BSN: variants seen among roughly 807,000 people sequenced by gnomAD.
The protein encoded by BSN is protein bassoon.
A neutral mutation model predicts 264.8 loss-of-function variants in BSN; 57 were observed. The ratio of observed to expected loss-of-function variants is 0.22; its 90% CI spans 0.17 to 0.27. The LOEUF is 0.27. Among genes scored for constraint, BSN ranks in the 10% least tolerant of loss-of-function variants. The pLI is 1.00. For synonymous variants in BSN, 2,059 were observed against 2,137.3 expected, an observed-to-expected ratio of 0.96 and a Z score of 1.01; for missense variants, 4,615 against 5,232.5, an observed-to-expected ratio of 0.88 and a Z score of 3.64.
rs2052335431 is a variant in BSN at position 49,625,439 on chromosome 3, C to T, written c.633+56C>T. 7.2e-7 allele frequency: 1 copy of T among 1,391,340 alleles called. No homozygotes were observed. Among genetic ancestry groups the T allele is most frequent in the Admixed American group, 2.9e-5 (1 of 34,506 alleles). The allele number at this position is 1,391,340 out of a possible 1,614,324, so 86.2% of individuals were successfully genotyped here. Reference sequence around the variant, plus strand: ...CCTGCTACCTCATTACCATACCTCCCCTGGTTCCCTTCCCCTCTTTCACCA... The same window carrying T: ...CCTGCTACCTCATTACCATACCTCCTCTGGTTCCCTTCCCCTCTTTCACCA... On this transcript the variant is annotated intron_variant, in intron 2 of 11. Transcript: ENST00000296452. The surrounding 1 kb of genome is among the most constrained non-coding windows in gnomAD (Gnocchi z 4.4).
intron 2 of BSN, among the ~76,000 whole-genome samples, chr3:49,633,148 A>G (rs757045787): frequency 1.3e-5 from 2 of 151,812 alleles, no homozygotes; most frequent in Non-Finnish European, 2.9e-5. Flanking sequence ...CTGAAAATAC[A>G]AAAGTTAGCT....
At chr3:49,576,915 C>G (rs894829768) in intron 1 of BSN, among the ~76,000 whole-genome samples, 2 of 152,166 alleles carry the variant, frequency 1.3e-5, no homozygotes, top group Non-Finnish European at 2.9e-5. Context: ...CTGCCTGTGT[C>G]CCTTCAGAGA....
At chr3:49,577,350 A>G (rs1437911346) in intron 1 of BSN, among the ~76,000 whole-genome samples, 1 of 152,102 alleles carries the variant, frequency 6.6e-6, no homozygotes, top group African/African-American at 2.4e-5. Context: ...ATGAAATGGC[A>G]AACAGCTAGG....
At chr3:49,560,865 G>C (rs1009949320) in intron 1 of BSN, among the ~76,000 whole-genome samples, 2 of 152,176 alleles carry the variant, frequency 1.3e-5, no homozygotes, top group Non-Finnish European at 2.9e-5. Flanking sequence ...GTGGGGGTCT[G>C]TTGCCCCCTA....
chr3:49,635,920 A>G (rs2052416780), intron 2 of BSN, among the ~76,000 whole-genome samples: 1 of 151,820 alleles, frequency 6.6e-6, no homozygotes, highest in African/African-American at 2.4e-5. Context: ...TGGAGGTTGC[A>G]GAGAGCCATG....
At chr3:49,671,841 T>C (rs2052771146), downstream of BSN, among the ~76,000 whole-genome samples, 1 of 152,138 alleles carries the variant, frequency 6.6e-6, no homozygotes, top group Non-Finnish European at 1.5e-5. The surrounding 1 kb of genome is among the most constrained non-coding windows in gnomAD (Gnocchi z 4.1). Context: ...TACACAGCTT[T>C]CTGGGACCTG....
chr3:49,651,163 T>A lies in BSN; in HGVS notation c.1986+84T>A. ...GCTTGCCTCCCTGGGTGGCTGAGGC[T>A]GTAGGCTCAGGACAGGTGCCTTGGG... is the stretch of plus-strand genomic sequence containing the variant. On this transcript the variant is annotated intron_variant, in intron 4 of 11. Coordinates refer to ENST00000296452, the MANE Select transcript of BSN (RefSeq NM_003458.4). This position sits in a 1 kb window ranked among gnomAD's most constrained non-coding sequence, Gnocchi z 5.4. 1 of 1,387,446 alleles carries A rather than the reference T, an allele frequency of 7.2e-7. No individual in the cohort carries two copies. The highest frequency in any genetic ancestry group is 9.7e-7 in the Non-Finnish European group (1 of 1,035,746). 85.9% of individuals were successfully genotyped at this position (1,387,446 alleles called of 1,614,324 possible).
Position 49,657,644 on chromosome 3 carries a change from C to G in BSN, c.8088C>G (p.Pro2696=). Residue 2696 remains proline (P), a synonymous_variant, in exon 5 of 12, where the codon CCC becomes CCG. Transcript: ENST00000296452. ...PAIHITAATD[P]KVEIVRYISA... ...TCCACATCACAGCTGCCACCGATCC[C>G]AAGGTGGAGATCGTCAGGTACATAT... is the stretch of plus-strand genomic sequence containing the variant. 6.3e-7 allele frequency: 1 copy of G among 1,594,442 alleles called. No individual in the cohort carries two copies. Among genetic ancestry groups the G allele is most frequent in the South Asian group, 1.1e-5 (1 of 89,124 alleles).
intron 1 of BSN, among the ~76,000 whole-genome samples, chr3:49,610,849 TG>T (rs746117082): frequency 1.3e-5 from 2 of 152,184 alleles, no homozygotes; most frequent in Non-Finnish European, 2.9e-5. Context: ...GCACAGCAGA[TG>T]TTCAGCAAAT....
intron 1 of BSN, among the ~76,000 whole-genome samples, chr3:49,560,101 C>G (rs1481145129): frequency 1.3e-5 from 2 of 152,118 alleles, no homozygotes; most frequent in Non-Finnish European, 1.5e-5. Context: ...TGCCTTTCAC[C>G]CCAGTGTGGG....
chr3:49,664,164 C>T (rs2108099770), intron 8 of BSN, among the ~76,000 whole-genome samples: 1 of 151,872 alleles, frequency 6.6e-6, no homozygotes, highest in East Asian at 1.9e-4. Flanking sequence ...TTCTTGCTCC[C>T]TCCTTCCTTC....
intron 1 of BSN, among the ~76,000 whole-genome samples, chr3:49,601,164 A>G (rs1325612936): frequency 3.3e-5 from 5 of 152,222 alleles, no homozygotes; most frequent in Admixed American, 2.6e-4. Flanking sequence ...GGGAACAGAC[A>G]GGAGAACTGG....
chr3:49,617,451 C>T (rs1300831539), intron 1 of BSN, among the ~76,000 whole-genome samples: 1 of 151,868 alleles, frequency 6.6e-6, no homozygotes, highest in Non-Finnish European at 1.5e-5. Context: ...TCCTTGCTTA[C>T]ACACCCTTAC....
intron 2 of BSN, among the ~76,000 whole-genome samples, chr3:49,632,563 G>A (rs1227075423): frequency 6.6e-6 from 1 of 152,174 alleles, no homozygotes; most frequent in East Asian, 1.9e-4. Flanking sequence ...CAGGACTTTG[G>A]GAGGCTCAGG....
Position 49,653,335 on chromosome 3 carries a change from T to C in BSN, c.3779T>C (p.Ile1260Thr). ...ASLGAAVYEE[I>T]LQTSQSIVRM... is the part of the protein sequence containing the mutation. ...CTGGGAGCAGCCGTGTACGAAGAAA[T>C]CCTTCAGACATCACAGAGCATAGTC... The change falls in exon 5 of 12, where the codon ATC becomes ACC. Residue 1260 changes from isoleucine (I) to threonine (T), a missense_variant. Ile to Thr is a moderately conservative substitution (Grantham distance 89). This residue lies in a region of BSN where 3,415 missense variants were observed against 3,866.4 expected (regional missense o/e 0.88). Transcript: ENST00000296452. The surrounding 1 kb of genome is among the most constrained non-coding windows in gnomAD (Gnocchi z 6.3). 2 of 1,612,244 alleles carry C rather than the reference T, an allele frequency of 1.2e-6. No homozygotes were observed. The highest frequency in any genetic ancestry group is 1.7e-6 in the Non-Finnish European group (2 of 1,179,406).
chr3:49,598,741 C>T (rs2108030682), intron 1 of BSN, among the ~76,000 whole-genome samples: 1 of 152,262 alleles, frequency 6.6e-6, no homozygotes, highest in Admixed American at 6.5e-5. Context: ...AAACTGAATG[C>T]TTTCCCCATA....
rs1173008730 is a variant in BSN at position 49,654,368 on chromosome 3, G to C, written c.4812G>C (p.Gln1604His). Reference sequence around the variant, plus strand: ...AGACAACACCTCCGAGTGTGTCTCAGCTGCCCCCAGAGCCACCTGGGCCAC... The same window carrying C: ...AGACAACACCTCCGAGTGTGTCTCACCTGCCCCCAGAGCCACCTGGGCCAC... ...YSQTTPPSVS[Q>H]LPPEPPGPPG... The change falls in exon 5 of 12, where the codon CAG becomes CAC. Residue 1604 changes from glutamine (Q) to histidine (H), a missense_variant. Physicochemically the swap from Gln to His is conservative, Grantham distance 24. This residue lies in a region of BSN where 3,415 missense variants were observed against 3,866.4 expected (regional missense o/e 0.88). Coordinates refer to ENST00000296452, the MANE Select transcript of BSN (RefSeq NM_003458.4). This position sits in a 1 kb window ranked among gnomAD's most constrained non-coding sequence, Gnocchi z 4.1. 1 of 1,610,174 alleles carries C rather than the reference G, an allele frequency of 6.2e-7. No homozygotes were observed. The highest frequency in any genetic ancestry group is 1.1e-5 in the South Asian group (1 of 89,976).
rs773069345 is a variant in BSN at position 49,660,755 on chromosome 3, G to A, written c.8910G>A (p.Lys2970=). 6.2e-7 allele frequency: 1 copy of A among 1,613,184 alleles called. No individual in the cohort carries two copies. The highest frequency in any genetic ancestry group is 1.1e-5 in the South Asian group (1 of 91,074). The change falls in exon 6 of 12, where the codon AAG becomes AAA. Residue 2970 remains lysine, a synonymous_variant. Coordinates refer to ENST00000296452, the MANE Select transcript of BSN (RefSeq NM_003458.4). This position sits in a 1 kb window ranked among gnomAD's most constrained non-coding sequence, Gnocchi z 7.1. ...KKQAELDEEE[K]EIDAKLKYLE... ...AGGCAGAGCTGGATGAGGAGGAGAA[G>A]GAGATTGACGCCAAGCTCAAGTACC...
intron 1 of BSN, among the ~76,000 whole-genome samples, chr3:49,555,817 T>C (rs2051664485): frequency 2.0e-5 from 3 of 152,188 alleles, no homozygotes. Flanking sequence ...TCCAGCTCCA[T>C]GTGGGTCTGC....
Sources: allele counts gnomAD v4.1 joint callset (sites outside exome capture counted in the v4.1 genomes callset), GRCh38; gene constraint gnomAD v4.1.1; regional missense constraint gnomAD v4.1.1; non-coding constraint Gnocchi (gnomAD v3.1); transcripts MANE v1.5; gene names NCBI Gene and HGNC (gene_info 2026-07-23, HGNC 2026-07-21).